NRXN1: variants seen among roughly 807,000 people sequenced by gnomAD.
The protein encoded by NRXN1 is neurexin-1.
Under a neutral mutation model 150.9 loss-of-function variants are expected in NRXN1, and 39 were observed. The ratio of observed to expected loss-of-function variants is 0.26; its 90% CI spans 0.20 to 0.34. The LOEUF (loss-of-function observed/expected upper bound fraction) is 0.34. NRXN1 is among the 10% of genes least tolerant of loss of function. The pLI is 1.00. For synonymous variants in NRXN1, 924 were observed against 757.0 expected (o/e 1.22, Z -3.62); for missense variants, 1,815 against 1,949.9 (o/e 0.93, Z 1.30).
intron 5 of NRXN1, among the ~76,000 whole-genome samples, chr2:50,854,058 T>A (rs1239299129): frequency 1.3e-5 from 2 of 152,038 alleles, no homozygotes; most frequent in African/African-American, 4.8e-5. Context: ...CTCTTTAAGA[T>A]CCTCATTGGC....
At chr2:50,465,636 T>C (rs1032576839) in intron 16 of NRXN1, 75 bp from the exon 17 acceptor site, 1 of 1,458,570 alleles carries the variant, frequency 6.9e-7, no homozygotes, top group African/African-American at 1.4e-5. Flanking sequence ...CTAGATCACA[T>C]GTAGTAGTTG....
At chr2:50,848,191 A>G (rs1410636122) in intron 5 of NRXN1, among the ~76,000 whole-genome samples, 2 of 152,070 alleles carry the variant, frequency 1.3e-5, no homozygotes, top group African/African-American at 2.4e-5. Flanking sequence ...ATGCACCCCT[A>G]GACGTTCAAA....
At chr2:50,819,458 T>G (rs992399922) in intron 5 of NRXN1, among the ~76,000 whole-genome samples, 1 of 152,176 alleles carries the variant, frequency 6.6e-6, no homozygotes, top group South Asian at 2.1e-4. Context: ...TCCACTTCTA[T>G]GAGGTACCTA....
chr2:50,237,194 G>C (rs1052980872), intron 17 of NRXN1, among the ~76,000 whole-genome samples: 2 of 152,040 alleles, frequency 1.3e-5, no homozygotes, highest in African/African-American at 4.8e-5. Flanking sequence ...TTTACCAGTA[G>C]GTGTTTCAGA....
At chr2:50,264,329 G>C (rs1232856207) in intron 17 of NRXN1, among the ~76,000 whole-genome samples, 2 of 152,040 alleles carry the variant, frequency 1.3e-5, no homozygotes, top group East Asian at 3.9e-4. Context: ...CAGTCGCTAG[G>C]TCTCTGGAGA....
chr2:50,654,072 T>A (rs1457358602), intron 5 of NRXN1, among the ~76,000 whole-genome samples: 1 of 150,848 alleles, frequency 6.6e-6, no homozygotes, highest in Non-Finnish European at 1.5e-5. Flanking sequence ...GGTACATGTG[T>A]ACAACGTGCA....
At chr2:50,137,933 C>A (rs770270518) in intron 18 of NRXN1, among the ~76,000 whole-genome samples, 1 of 152,136 alleles carries the variant, frequency 6.6e-6, no homozygotes, top group Non-Finnish European at 1.5e-5. Context: ...TCTCCTTTGA[C>A]GGAAAATGAG....
intron 2 of NRXN1, among the ~76,000 whole-genome samples, chr2:50,950,523 C>T (rs1022399027): frequency 3.3e-5 from 5 of 152,106 alleles, no homozygotes; most frequent in Admixed American, 6.6e-5. Context: ...GCATGTATCA[C>T]GGTTTCTCAC....
chr2:50,135,310 G>A (rs1217897008), intron 18 of NRXN1, among the ~76,000 whole-genome samples: 1 of 152,184 alleles, frequency 6.6e-6, no homozygotes, highest in Non-Finnish European at 1.5e-5. Context: ...AAAGGTGGAG[G>A]AGAATAGACG....
intron 21 of NRXN1, among the ~76,000 whole-genome samples, chr2:49,962,576 T>C (rs1216179660): frequency 1.3e-5 from 2 of 152,136 alleles, no homozygotes; most frequent in Non-Finnish European, 1.5e-5. Flanking sequence ...CTAATATAAG[T>C]AGGTTAGAGT....
intron 5 of NRXN1, among the ~76,000 whole-genome samples, chr2:50,627,397 G>GCA (rs1228694935): frequency 9.1e-5 from 12 of 131,734 alleles, no homozygotes; most frequent in African/African-American, 3.2e-4. Flanking sequence ...GTGTGTGTGC[G>GCA]CATACTAATA....
At chr2:50,022,391 A>C (rs1030760052) in intron 21 of NRXN1, among the ~76,000 whole-genome samples, 2 of 152,222 alleles carry the variant, frequency 1.3e-5, no homozygotes, top group African/African-American at 2.4e-5. Flanking sequence ...CTGATTTAAA[A>C]ATTTTATTAG....
At chr2:50,041,155 C>T (rs1690883526) in intron 21 of NRXN1, among the ~76,000 whole-genome samples, 1 of 152,172 alleles carries the variant, frequency 6.6e-6, no homozygotes, top group Non-Finnish European at 1.5e-5. Context: ...TTATCAAGAT[C>T]TGTCTGTTGT....
chr2:50,602,962 C>G (rs1001260685), intron 8 of NRXN1, among the ~76,000 whole-genome samples: 1 of 152,188 alleles, frequency 6.6e-6, no homozygotes, highest in Non-Finnish European at 1.5e-5. Flanking sequence ...ATTTCCTGGT[C>G]TTTGCCAAGA....
intron 17 of NRXN1, among the ~76,000 whole-genome samples, chr2:50,321,587 A>G (rs745896430): frequency 2.0e-5 from 3 of 152,160 alleles, no homozygotes; most frequent in Admixed American, 6.5e-5. Context: ...CCTAAGTAGC[A>G]GTACTTTTCG....
chr2:50,360,606 T>C (rs149394537), intron 17 of NRXN1, among the ~76,000 whole-genome samples: 3,937 of 152,144 alleles, frequency 0.026, 141 homozygotes, highest in East Asian at 0.12. Context: ...CACCCAGATT[T>C]ATAAAGCAAG....
chr2:51,026,533 C>T (rs1208476850), intron 2 of NRXN1: 5 of 1,064,532 alleles, frequency 4.7e-6, no homozygotes, highest in Non-Finnish European at 4.2e-6. Flanking sequence ...TGTTTTAAGC[C>T]CCAAGAACCA....
chr2:50,636,419 C>T (rs1317139419), intron 5 of NRXN1, among the ~76,000 whole-genome samples: 4 of 152,116 alleles, frequency 2.6e-5, no homozygotes, highest in African/African-American at 9.7e-5. Context: ...TAAGTGATCT[C>T]CAATGTTTCT....
chr2:49,968,021 T>C (rs1677253718), intron 21 of NRXN1, among the ~76,000 whole-genome samples: 1 of 151,936 alleles, frequency 6.6e-6, no homozygotes, highest in South Asian at 2.1e-4. Flanking sequence ...ACCATTCCAG[T>C]ATCAAGAGTA....
Sources: gnomAD v4.1 joint callset for allele counts (sites outside exome capture counted in the v4.1 genomes callset) on GRCh38, gnomAD v4.1.1 for gene constraint, MANE v1.5 for transcripts, NCBI Gene and HGNC (gene_info 2026-07-23, HGNC 2026-07-21) for gene names.